The following BATF3 variants were observed in gnomAD, a reference collection of about 807,000 sequenced individuals.
BATF3 encodes the protein basic leucine zipper transcriptional factor ATF-like 3.
Under a neutral mutation model 16.1 loss-of-function variants are expected in BATF3, and 8 were observed. That is an observed-to-expected ratio of 0.50 (90% CI 0.29 to 0.90). The LOEUF (loss-of-function observed/expected upper bound fraction) is 0.90. Ranked by LOEUF, BATF3 falls within the 40% of genes least tolerant of loss-of-function variation. The probability of loss-of-function intolerance (pLI) is 0.08; values close to 1 mark genes in which losing one functional copy is unlikely to be tolerated. For synonymous variants in BATF3, 74 were observed against 72.7 expected (o/e 1.02, Z -0.09); for missense variants, 139 against 167.0 (o/e 0.83, Z 0.92).
chr1:212,697,169 T>C, intron 1 of BATF3, 104 bp from the exon 2 acceptor site: 1 of 897,270 alleles, frequency 1.1e-6, no homozygotes, highest in South Asian at 1.5e-5. Context: ...ATCATTTGCT[T>C]TGCAGTAGAC....
rs1571838909 is a variant in BATF3 at position 212,699,771 on chromosome 1, C to T, written c.-9G>A. The T allele has an allele frequency of 8.1e-7, 1 of 1,240,930 alleles. No individual in the cohort carries two copies. Among genetic ancestry groups the T allele is most frequent in the Non-Finnish European group, 1.0e-6 (1 of 989,882 alleles). 76.9% of individuals were successfully genotyped at this position (1,240,930 alleles called of 1,614,324 possible). On this transcript the variant is annotated 5_prime_UTR_variant, in exon 1 of 3. Transcript: ENST00000243440. The surrounding 1 kb of genome is among the most constrained non-coding windows in gnomAD (Gnocchi z 4.4). The stretch of plus-strand genomic sequence containing the variant: ...GGGAGCCCTTGCGACATGCCGGGCG[C>T]TCCTCTGGCCCGGCCCGCCCCGCCC...
rs1005933670 is a variant in BATF3 at position 212,697,141 on chromosome 1, C to T, written c.91-76G>A. ...TTTTCTGCCCTGTCTCATCACTCAG[C>T]GTTGTTCACTGAGCTTCATCATTTG... On this transcript the variant is annotated intron_variant, in intron 1 of 2. Coordinates refer to ENST00000243440, the MANE Select transcript of BATF3 (RefSeq NM_018664.3). The T allele has an allele frequency of 7.7e-6, 9 of 1,168,864 alleles. No homozygotes were observed. The African/African-American group carries it at 9.1e-5, about 12-fold the overall frequency. The allele number at this position is 1,168,864 out of a possible 1,614,324, so 72.4% of individuals were successfully genotyped here. A position where few individuals can be genotyped will look rare whatever the true frequency, so the allele number is the denominator to read the frequency against.
Position 212,696,971 on chromosome 1 carries a change from T to C in BATF3, c.185A>G (p.Lys62Arg), listed in dbSNP as rs367572597. ...SRKKQTQKAD[K>R]LHEEYESLEQ... ...CTACCACGGTCTCACCTCATGGAGC[T>C]TGTCAGCCTTCTGGGTCTGCTTCTT... Residue 62 changes from lysine to arginine, a missense_variant, in exon 2 of 3, where the codon AAG becomes AGG. Lys to Arg is a conservative substitution (Grantham distance 26). Transcript: ENST00000243440. 2.5e-6 allele frequency: 4 copies of C among 1,614,082 alleles called. No individual in the cohort carries two copies. In the African/African-American group the frequency reaches 5.3e-5, roughly 22 times the overall value.
Position 212,686,748 on chromosome 1 carries a change from AAAT to A in BATF3, c.*40_*42del. 1 of 1,581,354 alleles carries A rather than the reference AAAT, an allele frequency of 6.3e-7. No homozygotes were observed. Among genetic ancestry groups the A allele is most frequent in the Non-Finnish European group, 8.6e-7 (1 of 1,162,416 alleles). The stretch of plus-strand genomic sequence containing the variant: ...GGAAAAGCCTTCCTCCCAGGTATGA[AAAT>A]GACCAAGGCTCCTTGCTGGGCAGAG... On this transcript the variant is annotated 3_prime_UTR_variant, in exon 3 of 3. Coordinates refer to ENST00000243440, the MANE Select transcript of BATF3 (RefSeq NM_018664.3).
intron 2 of BATF3, among the ~76,000 whole-genome samples, chr1:212,694,231 A>G (rs1417755757): frequency 6.6e-6 from 1 of 152,268 alleles, no homozygotes. Flanking sequence ...CCCTGCTGCC[A>G]TCTTCATTTT....
chr1:212,695,731 G>A (rs1657111912), intron 2 of BATF3, among the ~76,000 whole-genome samples: 1 of 152,038 alleles, frequency 6.6e-6, no homozygotes, highest in Admixed American at 6.6e-5. Flanking sequence ...ACATGGAATG[G>A]TGGCCCATTC....
At chr1:212,688,503 G>C (rs1656917534) in intron 2 of BATF3, among the ~76,000 whole-genome samples, 1 of 152,152 alleles carries the variant, frequency 6.6e-6, no homozygotes, top group African/African-American at 2.4e-5. Flanking sequence ...GGGGCTTAAG[G>C]GTAGGATTTT....
chr1:212,699,756 G>C lies in BATF3; in HGVS notation c.7C>G (p.Gln3Glu), dbSNP rs1434025822. 1 of 1,275,838 alleles carries C rather than the reference G, an allele frequency of 7.8e-7. No individual in the cohort carries two copies. Among genetic ancestry groups the C allele is most frequent in the South Asian group, 2.5e-5 (1 of 40,426 alleles). 79.0% of individuals were successfully genotyped at this position (1,275,838 alleles called of 1,614,324 possible). MSQGLPAAGSVLQ... is the reference protein window; with the variant it reads MSEGLPAAGSVLQ... Reference sequence around the variant, plus strand: ...ACGCTGCCGGCGGCCGGGAGCCCTTGCGACATGCCGGGCGCTCCTCTGGCC... The same window carrying C: ...ACGCTGCCGGCGGCCGGGAGCCCTTCCGACATGCCGGGCGCTCCTCTGGCC... Residue 3 changes from glutamine to glutamate, a missense_variant, in exon 1 of 3, where the codon CAA becomes GAA. Physicochemically the swap from Gln to Glu is conservative, Grantham distance 29. Coordinates refer to ENST00000243440, the MANE Select transcript of BATF3 (RefSeq NM_018664.3). This position sits in a 1 kb window ranked among gnomAD's most constrained non-coding sequence, Gnocchi z 4.4.
At position 212,689,979 on chromosome 1, in the gene BATF3, TAC is replaced by T. The variant is rs770399377; in HGVS notation, c.196-3002_196-3001del. 2.7e-4 allele frequency among the ~76,000 whole-genome samples: 40 copies of T among 150,932 alleles called. No homozygotes were observed. The East Asian group carries it at 7.2e-3, about 27-fold the overall frequency. ...ACAAACACTCTCACAGTCACACACA[TAC>T]AGTCATACACACATACATACACCTC... On this transcript the variant is annotated intron_variant, in intron 2 of 2. Transcript: ENST00000243440. The surrounding 1 kb of genome is among the most constrained non-coding windows in gnomAD (Gnocchi z 4.6).
chr1:212,687,304 A>G (rs1656873695), intron 2 of BATF3, among the ~76,000 whole-genome samples: 1 of 152,224 alleles, frequency 6.6e-6, no homozygotes. Flanking sequence ...GCCCCTGTGC[A>G]GTTAGTCCCC....
At position 212,686,865 on chromosome 1, in the gene BATF3, G is replaced by A. The variant is rs915958658; in HGVS notation, c.310C>T (p.Leu104=). ...ALKEHEKMCP[L]LLCPMNFVPV... The stretch of plus-strand genomic sequence containing the variant: ...ACAAAGTTCATAGGGCAGAGCAGCA[G>A]CGGGCACATCTTCTCGTGCTCCTTC... The change falls in exon 3 of 3, where the codon CTG becomes TTG. Residue 104 remains leucine, a synonymous_variant. Transcript: ENST00000243440. 25 of 1,614,200 alleles carry A rather than the reference G, an allele frequency of 1.5e-5. No individual in the cohort carries two copies. Among genetic ancestry groups the A allele is most frequent in the South Asian group, 3.3e-5 (3 of 91,088 alleles).
In BATF3 at chr1:212,689,069, T is replaced by C. The variant is rs920531137; in HGVS notation, c.196-2090A>G. On this transcript the variant is annotated intron_variant, in intron 2 of 2. Transcript: ENST00000243440. The surrounding 1 kb of genome is among the most constrained non-coding windows in gnomAD (Gnocchi z 4.6). ...GGAAGGCTTCCCTGACCACAGCACC[T>C]ACAGGAACCACATCTTTTATTATGT... Among the ~76,000 whole-genome samples the C allele has an allele frequency of 2.6e-5, 4 of 152,182 alleles. No individual in the cohort carries two copies. The highest frequency in any genetic ancestry group is 5.9e-5 in the Non-Finnish European group (4 of 68,030).
In BATF3 at chr1:212,686,610, T is replaced by G; in HGVS notation, c.*181A>C. ...GGATCTGCACAAGGGCTCTGTGAGT[T>G]TGGCGCCTGTTGGATGTCGGGCTGA... On this transcript the variant is annotated 3_prime_UTR_variant, in exon 3 of 3. Coordinates refer to ENST00000243440, the MANE Select transcript of BATF3 (RefSeq NM_018664.3). The G allele has an allele frequency of 9.8e-7, 1 of 1,015,522 alleles. No homozygotes were observed. Among genetic ancestry groups the G allele is most frequent in the Non-Finnish European group, 1.4e-6 (1 of 720,686 alleles). 62.9% of individuals were successfully genotyped at this position (1,015,522 alleles called of 1,614,324 possible). A position where few individuals can be genotyped will look rare whatever the true frequency, so the allele number is the denominator to read the frequency against.
At position 212,692,661 on chromosome 1, in the gene BATF3, C is replaced by T. The variant is rs1395006674; in HGVS notation, c.195+4300G>A. On this transcript the variant is annotated intron_variant, in intron 2 of 2. Transcript: ENST00000243440. ...CCATGTTGGCCAGGCTGGTCTTGAA[C>T]TCCTGGCCTCAAGTGATCCACCCGC... Among the ~76,000 whole-genome samples the T allele has an allele frequency of 3.9e-5, 6 of 152,186 alleles. No individual in the cohort carries two copies. In the East Asian group the frequency reaches 1.2e-3, roughly 29 times the overall value.
chr1:212,693,088 C>T (rs1486344130), intron 2 of BATF3, among the ~76,000 whole-genome samples: 5 of 152,202 alleles, frequency 3.3e-5, no homozygotes, highest in Non-Finnish European at 5.9e-5. Flanking sequence ...GTGCAAGGCG[C>T]TCTGTGCTCA....
chr1:212,695,218 A>G (rs1478378085), intron 2 of BATF3, among the ~76,000 whole-genome samples: 2 of 152,284 alleles, frequency 1.3e-5, no homozygotes, highest in African/African-American at 2.4e-5. Flanking sequence ...AAAAATGGCC[A>G]GGCGCAGTGG....
rs962615692 is a variant in BATF3, at chr1:212,699,425, C to T, written c.90+248G>A. Among the ~76,000 whole-genome samples the T allele has an allele frequency of 6.6e-6, 1 of 152,104 alleles. No individual in the cohort carries two copies. Among genetic ancestry groups the T allele is most frequent in the African/African-American group, 2.4e-5 (1 of 41,440 alleles). Reference sequence around the variant, plus strand: ...GCGTCGGCGCCCTCGGGCTTCTTCCCCCAGAGGGCGCAGGAGCTGGCTCAG... The same window carrying T: ...GCGTCGGCGCCCTCGGGCTTCTTCCTCCAGAGGGCGCAGGAGCTGGCTCAG... On this transcript the variant is annotated intron_variant, in intron 1 of 2. Transcript: ENST00000243440. The surrounding 1 kb of genome is among the most constrained non-coding windows in gnomAD (Gnocchi z 4.4).
At position 212,697,058 on chromosome 1, in the gene BATF3, TC is replaced by T; in HGVS notation, c.97del (p.Glu33ArgfsTer52). 1 of 1,613,802 alleles carries T rather than the reference TC, an allele frequency of 6.2e-7. No homozygotes were observed. The highest frequency in any genetic ancestry group is 8.5e-7 in the Non-Finnish European group (1 of 1,179,688). ...PQPQPQQQSP[E>X]DDDRKVRRRE... ...CCTTCGGACCTTCCTGTCATCATCC[TC>T]AGGGCTCTGGGGAAAAACACTGGGT... On this transcript the variant is annotated frameshift_variant, in exon 2 of 3. Coordinates refer to ENST00000243440, the MANE Select transcript of BATF3 (RefSeq NM_018664.3). LOFTEE classifies it high-confidence loss of function.
At chr1:212,693,727 C>T (rs1657059090) in intron 2 of BATF3, among the ~76,000 whole-genome samples, 1 of 152,154 alleles carries the variant, frequency 6.6e-6, no homozygotes, top group South Asian at 2.1e-4. Context: ...TCTGAAGTTC[C>T]CAGGCACCTG....
Sources: allele counts gnomAD v4.1 joint callset (sites outside exome capture counted in the v4.1 genomes callset), GRCh38; gene constraint gnomAD v4.1.1; non-coding constraint Gnocchi (gnomAD v3.1); transcripts MANE v1.5; gene names NCBI Gene and HGNC (gene_info 2026-07-23, HGNC 2026-07-21).